The following SMOC2 variants were observed in gnomAD, a reference collection of about 807,000 sequenced individuals.
SMOC2 encodes SPARC-related modular calcium-binding protein 2.
Under a neutral mutation model 61.4 loss-of-function variants are expected in SMOC2, and 39 were observed. The ratio of observed to expected loss-of-function variants is 0.64; its 90% CI spans 0.49 to 0.83. SMOC2 has a LOEUF of 0.83. Among genes scored for constraint, SMOC2 ranks in the 40% least tolerant of loss-of-function variants. SMOC2 has a pLI of 0.00. For synonymous variants in SMOC2, 247 were observed against 239.9 expected, an observed-to-expected ratio of 1.03 and a Z score of -0.27; for missense variants, 556 against 592.9, an observed-to-expected ratio of 0.94 and a Z score of 0.65.
intron 1 of SMOC2, among the ~76,000 whole-genome samples, chr6:168,499,280 C>T (rs1214409064): frequency 2.6e-5 from 4 of 152,222 alleles, no homozygotes; most frequent in African/African-American, 4.8e-5. Flanking sequence ...TTCCAGGTGC[C>T]GTTGGGCATG....
chr6:168,570,489 T>A (rs951323524), intron 7 of SMOC2, among the ~76,000 whole-genome samples: 2 of 152,168 alleles, frequency 1.3e-5, no homozygotes, highest in Non-Finnish European at 1.5e-5. Flanking sequence ...TTCTCCGTGC[T>A]CAGCTAGGAG....
intron 1 of SMOC2, among the ~76,000 whole-genome samples, chr6:168,445,608 A>C (rs1271843540): frequency 6.6e-6 from 1 of 152,198 alleles, no homozygotes; most frequent in Non-Finnish European, 1.5e-5. Flanking sequence ...TGGATCTTCA[A>C]GGGAATTACT....
intron 7 of SMOC2, among the ~76,000 whole-genome samples, chr6:168,595,543 T>C (rs1239961727): frequency 6.6e-6 from 1 of 152,178 alleles, no homozygotes; most frequent in Admixed American, 6.5e-5. Flanking sequence ...TCTGTGGCCT[T>C]CTCTTCCCAG....
At chr6:168,636,921 TCCTCCCC>T (rs1786749696) in intron 9 of SMOC2, among the ~76,000 whole-genome samples, 1 of 52,106 alleles carries the variant, frequency 1.9e-5, no homozygotes, top group African/African-American at 8.8e-5. Flanking sequence ...CCCTCCTCCC[TCCTCCCC>T]CCTCCCCACC....
intron 7 of SMOC2, among the ~76,000 whole-genome samples, chr6:168,597,833 C>G (rs544186540): frequency 1.3e-5 from 2 of 152,222 alleles, no homozygotes; most frequent in Non-Finnish European, 2.9e-5. Flanking sequence ...CCGCTCTCCC[C>G]CCAGGTGAGG....
chr6:168,531,966 G>T (rs79365541), intron 4 of SMOC2, among the ~76,000 whole-genome samples: 252 of 152,294 alleles, frequency 1.7e-3, no homozygotes, highest in African/African-American at 6.0e-3. Context: ...GAGGTTGATG[G>T]CAAATGGTGT....
chr6:168,622,786 G>A (rs1487188232), intron 9 of SMOC2, among the ~76,000 whole-genome samples: 1 of 151,966 alleles, frequency 6.6e-6, no homozygotes, highest in Non-Finnish European at 1.5e-5. Flanking sequence ...ATGCTTTACT[G>A]CAAAAGTAGA....
At chr6:168,637,798 T>C (rs1786779298) in intron 9 of SMOC2, among the ~76,000 whole-genome samples, 1 of 152,146 alleles carries the variant, frequency 6.6e-6, no homozygotes. Flanking sequence ...TTCCTGTCTG[T>C]TTGTGCTGCT....
In SMOC2 at chr6:168,599,037, A is replaced by T. The variant is rs1345668915; in HGVS notation, c.824+33A>T. The T allele has an allele frequency of 2.0e-6, 3 of 1,536,472 alleles. No individual in the cohort carries two copies. In the African/African-American group the frequency reaches 4.2e-5, roughly 21 times the overall value. On this transcript the variant is annotated intron_variant, in intron 8 of 12. Coordinates refer to ENST00000356284, the MANE Select transcript of SMOC2 (RefSeq NM_001166412.2). ...GGGTGCACCCACCCCCCCCGGGACC[A>T]TGGGAGGCTTTGGGGTGTGGAAGCC...
In SMOC2 at chr6:168,544,498, C is replaced by T. The variant is rs1217419673; in HGVS notation, c.511+826C>T. ...GACCAGCCTGGCCAAAATGGTGAAA[C>T]GCCATCTCTACTAAAAAGACAAAAA... On this transcript the variant is annotated intron_variant, in intron 5 of 12. Transcript: ENST00000356284. This position sits in a 1 kb window ranked among gnomAD's most constrained non-coding sequence, Gnocchi z 4.1. Among the ~76,000 whole-genome samples the T allele has an allele frequency of 4.6e-5, 7 of 152,026 alleles. No homozygotes were observed. Among genetic ancestry groups the T allele is most frequent in the East Asian group, 3.9e-4 (2 of 5,180 alleles).
intron 1 of SMOC2, among the ~76,000 whole-genome samples, chr6:168,449,313 C>T (rs973627912): frequency 2.6e-5 from 4 of 152,164 alleles, no homozygotes; most frequent in Non-Finnish European, 4.4e-5. Context: ...ATAGCGGTCA[C>T]TGTAATATTC....
intron 9 of SMOC2, among the ~76,000 whole-genome samples, chr6:168,632,087 AT>A (rs1401299248): frequency 6.6e-6 from 1 of 152,224 alleles, no homozygotes; most frequent in Non-Finnish European, 1.5e-5. Context: ...TGAATATAAA[AT>A]TGCATAATAA....
intron 11 of SMOC2, among the ~76,000 whole-genome samples, chr6:168,662,940 G>C (rs540526807): frequency 1.4e-4 from 21 of 152,338 alleles, no homozygotes; most frequent in Admixed American, 5.2e-4. Context: ...GTTTGCAAGG[G>C]AAGATAATGA....
Position 168,535,841 on chromosome 6 carries a change from A to G in SMOC2, c.464-7784A>G, listed in dbSNP as rs1479544230. Reference sequence around the variant, plus strand: ...GTGATCCTGGGGACACGTGAGGAATAACGCAGCAGTGATGCAGCTTCACGG... The same window carrying G: ...GTGATCCTGGGGACACGTGAGGAATGACGCAGCAGTGATGCAGCTTCACGG... On this transcript the variant is annotated intron_variant, in intron 4 of 12. Transcript: ENST00000356284. The surrounding 1 kb of genome is among the most constrained non-coding windows in gnomAD (Gnocchi z 4.6). 6.6e-6 allele frequency among the ~76,000 whole-genome samples: 1 copy of G among 151,910 alleles called. No individual in the cohort carries two copies. Among genetic ancestry groups the G allele is most frequent in the Non-Finnish European group, 1.5e-5 (1 of 68,002 alleles).
At chr6:168,542,475 A>G (rs992795410) in intron 4 of SMOC2, among the ~76,000 whole-genome samples, 2 of 152,206 alleles carry the variant, frequency 1.3e-5, no homozygotes, top group African/African-American at 2.4e-5. Context: ...TTATTTTTAG[A>G]TATGCAGCCT....
chr6:168,547,417 G>A (rs1784030866), intron 6 of SMOC2, among the ~76,000 whole-genome samples: 1 of 151,926 alleles, frequency 6.6e-6, no homozygotes, highest in South Asian at 2.1e-4. Flanking sequence ...GAAGGGTAGG[G>A]TAGGATGGAG....
At chr6:168,448,377 T>G in intron 1 of SMOC2, among the ~76,000 whole-genome samples, 2 of 132,838 alleles carry the variant, frequency 1.5e-5, no homozygotes, top group Non-Finnish European at 1.6e-5. Context: ...GGGAGGAGGA[T>G]GGCAATGGGG....
At position 168,511,811 on chromosome 6, in the gene SMOC2, G is replaced by GTTTTTTTTTT. The variant is rs144317852; in HGVS notation, c.256+1727_256+1728insTTTTTTTTTT. On this transcript the variant is annotated intron_variant, in intron 2 of 12. Coordinates refer to ENST00000356284, the MANE Select transcript of SMOC2 (RefSeq NM_001166412.2). ...GACAAATGGCTATTCATTATCAAGG[G>GTTTTTTTTTT]TTGTTTTTTTTTTTTTTTCTGAAAT... 2.3e-5 allele frequency among the ~76,000 whole-genome samples: 3 copies of GTTTTTTTTTT among 130,732 alleles called. 1 individual carries two copies. Among genetic ancestry groups the GTTTTTTTTTT allele is most frequent in the African/African-American group, 2.7e-5 (1 of 36,726 alleles). The allele number at this position is 130,732 out of a possible 152,430, so 85.8% of individuals were successfully genotyped here. A position where few individuals can be genotyped will look rare whatever the true frequency, so the allele number is the denominator to read the frequency against.
intron 2 of SMOC2, among the ~76,000 whole-genome samples, chr6:168,520,145 G>A (rs1283584909): frequency 6.6e-6 from 1 of 152,110 alleles, no homozygotes; most frequent in Non-Finnish European, 1.5e-5. Context: ...TGGGGTTGGG[G>A]GCGCTTATCA....
Sources: allele counts gnomAD v4.1 joint callset (sites outside exome capture counted in the v4.1 genomes callset), GRCh38; gene constraint gnomAD v4.1.1; non-coding constraint Gnocchi (gnomAD v3.1); transcripts MANE v1.5; gene names NCBI Gene and HGNC (gene_info 2026-07-23, HGNC 2026-07-21).